Variants in ELK3 observed in about 807,000 individuals in gnomAD.
ELK3 encodes the protein ETS transcription factor ELK3.
ELK3 carries 10 observed loss-of-function variants against 28.9 expected under a neutral mutation model. That is an observed-to-expected ratio of 0.35 (90% CI 0.21 to 0.59). ELK3 has a LOEUF of 0.59. Ranked by LOEUF, ELK3 falls within the 20% of genes least tolerant of loss-of-function variation. The pLI is 0.82. For missense variants in ELK3, 463 were observed against 517.3 expected (o/e 0.90, Z 1.02); for synonymous variants, 272 against 243.5 (o/e 1.12, Z -1.09).
At chr12:96,236,897 C>CG (rs773126550) in intron 2 of ELK3, among the ~76,000 whole-genome samples, 229 of 152,312 alleles carry the variant, frequency 1.5e-3, no homozygotes, top group Non-Finnish European at 1.9e-3. Flanking sequence ...CCTCTGAAGG[C>CG]CCTAGGGAAA....
At chr12:96,240,034 T>C (rs1015118986) in intron 2 of ELK3, among the ~76,000 whole-genome samples, 1 of 152,250 alleles carries the variant, frequency 6.6e-6, no homozygotes, top group Non-Finnish European at 1.5e-5. Flanking sequence ...TTAATTGGAT[T>C]GTGTAAGGTT....
chr12:96,229,275 T>A (rs1474576634), intron 2 of ELK3, among the ~76,000 whole-genome samples: 3 of 152,234 alleles, frequency 2.0e-5, no homozygotes, highest in African/African-American at 7.2e-5. Context: ...CCAGGTCAGA[T>A]GACCACAAAC....
At chr12:96,195,919 G>C (rs1340404358) in intron 1 of ELK3, among the ~76,000 whole-genome samples, 2 of 95,550 alleles carry the variant, frequency 2.1e-5, no homozygotes, top group Non-Finnish European at 4.1e-5. Context: ...GAAAGCCCCT[G>C]GCCGGTCTTT....
At position 96,268,581 on chromosome 12, in the gene ELK3, C is replaced by G. The variant is rs1952060185; in HGVS notation, c.*1401C>G. The G allele has an allele frequency of 6.6e-6, 1 of 152,084 alleles. No individual in the cohort carries two copies. Among genetic ancestry groups the G allele is most frequent in the Non-Finnish European group, 1.5e-5 (1 of 68,006 alleles). The allele number at this position is 152,084 out of a possible 1,614,324, so 9.4% of individuals were successfully genotyped here. On this transcript the variant is annotated 3_prime_UTR_variant, in exon 5 of 5. Coordinates refer to ENST00000228741, the MANE Select transcript of ELK3 (RefSeq NM_005230.4). The stretch of plus-strand genomic sequence containing the variant: ...TCTAATACAAGAAAACTGAAAAGCA[C>G]CAAGCTTTAAATTCAAGATTAATTA...
intron 2 of ELK3, among the ~76,000 whole-genome samples, chr12:96,225,130 T>C (rs1951689629): frequency 6.6e-6 from 1 of 152,264 alleles, no homozygotes; most frequent in Non-Finnish European, 1.5e-5. Flanking sequence ...TTGTTTTGCG[T>C]GTTTTCCCAG....
At position 96,215,666 on chromosome 12, in the gene ELK3, C is replaced by T. The variant is rs190812501; in HGVS notation, c.-2-7899C>T. Among the ~76,000 whole-genome samples the T allele has an allele frequency of 2.1e-3, 304 of 144,480 alleles. 3 individuals are homozygous for T. Among genetic ancestry groups the T allele is most frequent in the African/African-American group, 7.3e-3 (283 of 38,752 alleles). 94.8% of individuals were successfully genotyped at this position (144,480 alleles called of 152,430 possible). On this transcript the variant is annotated intron_variant, in intron 1 of 4. Transcript: ENST00000228741. ...TTTTTTTTTTAAAGAGAGATGGTCTCGCTCTGTCACCCAGGCTGGAGTGCA... is the reference window on the plus strand; with the variant it reads ...TTTTTTTTTTAAAGAGAGATGGTCTTGCTCTGTCACCCAGGCTGGAGTGCA...
At chr12:96,227,867 G>A (rs1951715047) in intron 2 of ELK3, among the ~76,000 whole-genome samples, 1 of 152,172 alleles carries the variant, frequency 6.6e-6, no homozygotes, top group African/African-American at 2.4e-5. Context: ...CTACACTGTG[G>A]GGCTGTGGTG....
At chr12:96,212,577 TA>T (rs1009190705) in intron 1 of ELK3, 1 of 152,196 alleles carries the variant, frequency 6.6e-6, no homozygotes, top group African/African-American at 2.4e-5. Flanking sequence ...GATGTTGTTA[TA>T]GGGGGGAGGT....
intron 1 of ELK3, among the ~76,000 whole-genome samples, chr12:96,209,560 A>G (rs1479046585): frequency 6.6e-6 from 1 of 152,222 alleles, no homozygotes; most frequent in Non-Finnish European, 1.5e-5. Context: ...TTTATCAGAA[A>G]GATTAGGGTT....
At chr12:96,201,967 G>C (rs1211232125) in intron 1 of ELK3, among the ~76,000 whole-genome samples, 1 of 152,122 alleles carries the variant, frequency 6.6e-6, no homozygotes, top group Non-Finnish European at 1.5e-5. Context: ...CTCATTCTTG[G>C]GGACATCAGT....
In ELK3 at chr12:96,210,773, A is replaced by T. The variant is rs576900186; in HGVS notation, c.-2-12792A>T. Among the ~76,000 whole-genome samples, 43 of 152,352 alleles carry T rather than the reference A, an allele frequency of 2.8e-4. 1 individual carries two copies. Among genetic ancestry groups the T allele is most frequent in the Non-Finnish European group, 5.7e-4 (39 of 68,026 alleles). The stretch of plus-strand genomic sequence containing the variant: ...GTTAACAAAATGGTGGATGGGGTGG[A>T]TTCAAAGATTCTTTCTTGAAACAAC... On this transcript the variant is annotated intron_variant, in intron 1 of 4. Coordinates refer to ENST00000228741, the MANE Select transcript of ELK3 (RefSeq NM_005230.4).
At chr12:96,203,485 A>G (rs1342954627) in intron 1 of ELK3, among the ~76,000 whole-genome samples, 3 of 152,184 alleles carry the variant, frequency 2.0e-5, no homozygotes, top group Non-Finnish European at 4.4e-5. Context: ...CTGGCACTCA[A>G]TGAATTAAAA....
At chr12:96,226,297 A>G (rs1209939153) in intron 2 of ELK3, among the ~76,000 whole-genome samples, 1 of 152,210 alleles carries the variant, frequency 6.6e-6, no homozygotes, top group Non-Finnish European at 1.5e-5. Context: ...GGCTGGCCAC[A>G]TGACCTTTGA....
chr12:96,240,708 G>A lies in ELK3; in HGVS notation c.208-6232G>A, dbSNP rs538330137. 3.9e-4 allele frequency among the ~76,000 whole-genome samples: 60 copies of A among 152,324 alleles called. No individual in the cohort carries two copies. The South Asian group carries it at 7.3e-3, about 18-fold the overall frequency. ...TGCTGACATTCTCAGTTTTGAGAAC[G>A]AGGTAGGAGAGTTGCAGAATCAGAG... On this transcript the variant is annotated intron_variant, in intron 2 of 4. Transcript: ENST00000228741.
chr12:96,250,396 G>A (rs1168745915), intron 3 of ELK3, among the ~76,000 whole-genome samples: 1 of 152,190 alleles, frequency 6.6e-6, no homozygotes, highest in Non-Finnish European at 1.5e-5. Context: ...GATTCCCTGA[G>A]ATCAGATAGG....
intron 1 of ELK3, among the ~76,000 whole-genome samples, chr12:96,204,960 G>T (rs1439781750): frequency 6.6e-6 from 1 of 152,228 alleles, no homozygotes; most frequent in Non-Finnish European, 1.5e-5. Context: ...CTATGCCCTG[G>T]AAGGTGAGGA....
intron 1 of ELK3, among the ~76,000 whole-genome samples, chr12:96,221,371 C>T (rs551696053): frequency 5.4e-4 from 82 of 152,286 alleles, no homozygotes; most frequent in South Asian, 1.7e-3. Context: ...CCATTCGGAA[C>T]GTGATGTCAG....
rs1951447674 is a variant in ELK3, at chr12:96,194,592, A to G, written c.-116A>G. On this transcript the variant is annotated 5_prime_UTR_variant, in exon 1 of 5. Transcript: ENST00000228741. ...AAGAAAAAAAGGGGGAAAAATCAGG[A>G]TCTCATTACAAGAGCCACAGACCGT... 1 of 149,468 alleles carries G rather than the reference A, an allele frequency of 6.7e-6. No individual in the cohort carries two copies. The highest frequency in any genetic ancestry group is 1.5e-5 in the Non-Finnish European group (1 of 67,250). 9.3% of individuals were successfully genotyped at this position (149,468 alleles called of 1,614,324 possible). A position where few individuals can be genotyped will look rare whatever the true frequency, so the allele number is the denominator to read the frequency against.
chr12:96,259,390 A>G (rs1477691510), intron 3 of ELK3, among the ~76,000 whole-genome samples: 1 of 152,066 alleles, frequency 6.6e-6, no homozygotes, highest in Non-Finnish European at 1.5e-5. Context: ...CTTCTCTACT[A>G]AAAATACAAA....
Sources: allele counts gnomAD v4.1 joint callset (sites outside exome capture counted in the v4.1 genomes callset), GRCh38; gene constraint gnomAD v4.1.1; transcripts MANE v1.5; gene names NCBI Gene and HGNC (gene_info 2026-07-23, HGNC 2026-07-21).